ACOT7: variants seen among roughly 807,000 people sequenced by gnomAD.
The protein encoded by ACOT7 is cytosolic acyl coenzyme A thioester hydrolase.
In ACOT7, 12 loss-of-function variants were observed where a neutral mutation model predicts 40.2. The observed-to-expected ratio is 0.30, with a 90% CI of 0.19 to 0.48. The LOEUF is 0.48. Among genes scored for constraint, ACOT7 ranks in the 20% least tolerant of loss-of-function variants. ACOT7 has a pLI of 0.99. For synonymous variants in ACOT7, 228 were observed against 219.5 expected, an observed-to-expected ratio of 1.04 and a Z score of -0.34; for missense variants, 395 against 530.8, an observed-to-expected ratio of 0.74 and a Z score of 2.51.
At chr1:6,273,354 T>A (rs138346965) in intron 8 of ACOT7, among the ~76,000 whole-genome samples, 124 of 152,340 alleles carry the variant, frequency 8.1e-4, no homozygotes, top group Middle Eastern at 3.4e-3. Flanking sequence ...TGGGACTCAC[T>A]GGCCACCGGA....
rs1410532439 is a variant in ACOT7 at position 6,264,351 on chromosome 1, T to A, written c.*246A>T. On this transcript the variant is annotated 3_prime_UTR_variant, in exon 9 of 9. Transcript: ENST00000361521. ...CGTGCTCGGAAGCATTCCCGAGGGT[T>A]TCTGCCCAACGCCTCCCGGCGCTCG... The A allele has an allele frequency of 2.0e-6, 1 of 500,210 alleles. No individual in the cohort carries two copies. Among genetic ancestry groups the A allele is most frequent in the African/African-American group, 2.0e-5 (1 of 50,238 alleles). 31.0% of individuals were successfully genotyped at this position (500,210 alleles called of 1,614,324 possible).
At position 6,306,226 on chromosome 1, in the gene ACOT7, G is replaced by A. The variant is rs1477516593; in HGVS notation, c.713-11246C>T. On this transcript the variant is annotated intron_variant, in intron 6 of 8. Transcript: ENST00000361521. The surrounding 1 kb of genome is among the most constrained non-coding windows in gnomAD (Gnocchi z 4.3). ...GTGGGGAGAGGGGGAGGGGGAGGGG[G>A]AGAGGGAGAGGACGTTCTTACGGTT... The A allele has an allele frequency of 2.1e-6, 2 of 975,382 alleles. No homozygotes were observed. The highest frequency in any genetic ancestry group is 2.4e-6 in the Non-Finnish European group (2 of 822,526). The allele number at this position is 975,382 out of a possible 1,614,324, so 60.4% of individuals were successfully genotyped here.
intron 1 of ACOT7, among the ~76,000 whole-genome samples, chr1:6,369,496 T>C (rs1642086837): frequency 7.4e-6 from 1 of 135,180 alleles, no homozygotes. Flanking sequence ...AACCTCCACC[T>C]CCTGGGTTCA....
intron 1 of ACOT7, among the ~76,000 whole-genome samples, chr1:6,365,741 C>T (rs1190701720): frequency 6.9e-6 from 1 of 145,958 alleles, no homozygotes; most frequent in Non-Finnish European, 1.5e-5. Flanking sequence ...GCACTCCAGC[C>T]TGGGCAACAG....
intron 6 of ACOT7, chr1:6,307,018 CT>C: frequency 9.9e-7 from 1 of 1,005,684 alleles, no homozygotes; most frequent in South Asian, 1.4e-5. Context: ...CTCCTATAGT[CT>C]CAGGCTAAGC....
At position 6,270,399 on chromosome 1, in the gene ACOT7, T is replaced by C. The variant is rs1013503078; in HGVS notation, c.1015-5704A>G. ...CTGGTGGGGGAAGGACTGGAGCCTC[T>C]GGGGCACTGGCCAGTGGTGCCAGCT... On this transcript the variant is annotated intron_variant, in intron 8 of 8. Transcript: ENST00000361521. Among the ~76,000 whole-genome samples the C allele has an allele frequency of 3.3e-5, 5 of 152,194 alleles. No homozygotes were observed. The East Asian group carries it at 9.6e-4, about 29-fold the overall frequency.
intron 1 of ACOT7, among the ~76,000 whole-genome samples, chr1:6,388,765 G>A (rs1642483993): frequency 6.8e-6 from 1 of 148,028 alleles, no homozygotes; most frequent in Non-Finnish European, 1.5e-5. Flanking sequence ...AAGGCCGGGT[G>A]CGGTGGCTCA....
rs114397873 is a variant in ACOT7, at chr1:6,278,342, G to A, written c.1014+2760C>T. ...CGGATTTTGATGACCAGTTTCCTGG[G>A]CTGCAGGGAAGGGTCACATTGAGAG... On this transcript the variant is annotated intron_variant, in intron 8 of 8. Transcript: ENST00000361521. The surrounding 1 kb of genome is among the most constrained non-coding windows in gnomAD (Gnocchi z 4.1). Among the ~76,000 whole-genome samples, 873 of 152,252 alleles carry A rather than the reference G, an allele frequency of 5.7e-3. 6 individuals carry two copies. Among genetic ancestry groups the A allele is most frequent in the African/African-American group, 0.02 (835 of 41,534 alleles).
intron 1 of ACOT7, among the ~76,000 whole-genome samples, chr1:6,380,020 C>G (rs1642305897): frequency 6.6e-6 from 1 of 151,726 alleles, no homozygotes; most frequent in Non-Finnish European, 1.5e-5. Context: ...GAACTGAGAT[C>G]ATGCCACTGC....
At chr1:6,268,858 G>A (rs1169982886) in intron 8 of ACOT7, among the ~76,000 whole-genome samples, 7 of 152,194 alleles carry the variant, frequency 4.6e-5, no homozygotes, top group Non-Finnish European at 1.5e-5. Flanking sequence ...TACAGCTCTC[G>A]GCATCTTTAC....
Position 6,358,537 on chromosome 1 carries a change from C to CCTCCCTGG in ACOT7, c.144-8679_144-8672dup, listed in dbSNP as rs1641811746. ...GGCTGGAAAGAAAACCAGGTGCCTT[C>CCTCCCTGG]CTCCCTGGGGACTAGAGCAGGCAGG... On this transcript the variant is annotated intron_variant, in intron 1 of 8. Transcript: ENST00000361521. This position sits in a 1 kb window ranked among gnomAD's most constrained non-coding sequence, Gnocchi z 4.1. Among the ~76,000 whole-genome samples, 1 of 152,218 alleles carries CCTCCCTGG rather than the reference C, an allele frequency of 6.6e-6. No individual in the cohort carries two copies. Among genetic ancestry groups the CCTCCCTGG allele is most frequent in the African/African-American group, 2.4e-5 (1 of 41,462 alleles).
At chr1:6,333,235 A>G (rs2148437959) in intron 4 of ACOT7, among the ~76,000 whole-genome samples, 1 of 152,356 alleles carries the variant, frequency 6.6e-6, no homozygotes, top group East Asian at 1.9e-4. Context: ...AGAAGATCCC[A>G]CACAGACATG....
Position 6,288,818 on chromosome 1 carries a change from C to T in ACOT7, c.829+6046G>A, listed in dbSNP as rs1044855643. On this transcript the variant is annotated intron_variant, in intron 7 of 8. Coordinates refer to ENST00000361521, the MANE Select transcript of ACOT7 (RefSeq NM_007274.4). The surrounding 1 kb of genome is among the most constrained non-coding windows in gnomAD (Gnocchi z 4.3). Reference sequence around the variant, plus strand: ...AAGTTCCTCCTAGGCACACACCCTTCGTGGCTGAAACTCAAAGTTATCTTC... The same window carrying T: ...AAGTTCCTCCTAGGCACACACCCTTTGTGGCTGAAACTCAAAGTTATCTTC... Among the ~76,000 whole-genome samples, 3 of 152,224 alleles carry T rather than the reference C, an allele frequency of 2.0e-5. No homozygotes were observed. Among genetic ancestry groups the T allele is most frequent in the African/African-American group, 2.4e-5 (1 of 41,460 alleles).
intron 6 of ACOT7, among the ~76,000 whole-genome samples, chr1:6,302,588 A>G (rs1220566236): frequency 6.6e-6 from 1 of 152,134 alleles, no homozygotes; most frequent in Non-Finnish European, 1.5e-5. Context: ...CTTGAGAAAA[A>G]CATAGAAAAA....
chr1:6,329,226 C>A (rs530105042), intron 4 of ACOT7, among the ~76,000 whole-genome samples: 3 of 152,324 alleles, frequency 2.0e-5, no homozygotes, highest in Admixed American at 6.5e-5. Flanking sequence ...CACCGTTCCT[C>A]GGCGTAACTA....
At chr1:6,374,561 C>T (rs756007064) in intron 1 of ACOT7, among the ~76,000 whole-genome samples, 7 of 152,208 alleles carry the variant, frequency 4.6e-5, no homozygotes, top group Non-Finnish European at 8.8e-5. Flanking sequence ...CAACCTGCCA[C>T]GCACCACCTG....
chr1:6,278,389 CA>C lies in ACOT7; in HGVS notation c.1014+2712del, dbSNP rs1639261065. ...AGAGCACCAGGAACAGAGGAAGGAG[CA>C]GCTGAGGACTGAGCAGGGGCCCCAT... is the stretch of plus-strand genomic sequence containing the variant. On this transcript the variant is annotated intron_variant, in intron 8 of 8. Transcript: ENST00000361521. The surrounding 1 kb of genome is among the most constrained non-coding windows in gnomAD (Gnocchi z 4.1). Among the ~76,000 whole-genome samples, 1 of 152,058 alleles carries C rather than the reference CA, an allele frequency of 6.6e-6. No individual in the cohort carries two copies. Among genetic ancestry groups the C allele is most frequent in the Non-Finnish European group, 1.5e-5 (1 of 68,010 alleles).
At chr1:6,349,060 A>C (rs1368382419) in intron 2 of ACOT7, among the ~76,000 whole-genome samples, 1 of 152,148 alleles carries the variant, frequency 6.6e-6, no homozygotes, top group African/African-American at 2.4e-5. Flanking sequence ...CTCAGCACCC[A>C]AGGGCTGGCT....
At chr1:6,270,507 G>T (rs1217693464) in intron 8 of ACOT7, among the ~76,000 whole-genome samples, 6 of 152,204 alleles carry the variant, frequency 3.9e-5, no homozygotes, top group Non-Finnish European at 7.3e-5. Flanking sequence ...AAAGGATGAG[G>T]TGGCAAAGGG....
Sources: allele counts gnomAD v4.1 joint callset (sites outside exome capture counted in the v4.1 genomes callset), GRCh38; gene constraint gnomAD v4.1.1; non-coding constraint Gnocchi (gnomAD v3.1); transcripts MANE v1.5; gene names NCBI Gene and HGNC (gene_info 2026-07-23, HGNC 2026-07-21).